Variants in UNC5D observed in about 807,000 individuals in gnomAD.
UNC5D encodes unc-5 netrin receptor D, also known as netrin receptor UNC5D.
A neutral mutation model predicts 105.4 loss-of-function variants in UNC5D; 39 were observed. That is an observed-to-expected ratio of 0.37 (90% CI 0.29 to 0.48). The LOEUF is 0.48. UNC5D is among the 20% of genes least tolerant of loss of function. The pLI is 0.98. For synonymous variants in UNC5D, 452 were observed against 450.4 expected, an observed-to-expected ratio of 1.00 and a Z score of -0.04; for missense variants, 991 against 1,202.4, an observed-to-expected ratio of 0.82 and a Z score of 2.60.
intron 10 of UNC5D, chr8:35,726,756 C>G: frequency 1.6e-6 from 1 of 629,588 alleles, no homozygotes; most frequent in Non-Finnish European, 2.7e-6. Flanking sequence ...CTTTGATTCC[C>G]TGTTAGAGCT....
At chr8:35,456,224 G>A (rs943669952) in intron 1 of UNC5D, among the ~76,000 whole-genome samples, 1 of 152,026 alleles carries the variant, frequency 6.6e-6, no homozygotes, top group Non-Finnish European at 1.5e-5. Context: ...TTCCAATCCG[G>A]ATTACTAAAC....
At chr8:35,788,475 T>C (rs1802853383) in intron 16 of UNC5D, among the ~76,000 whole-genome samples, 1 of 152,176 alleles carries the variant, frequency 6.6e-6, no homozygotes, top group East Asian at 1.9e-4. Context: ...TGTCTTTGTC[T>C]TCGTCATAGA....
At chr8:35,586,156 C>A (rs1818779607) in intron 3 of UNC5D, among the ~76,000 whole-genome samples, 1 of 152,122 alleles carries the variant, frequency 6.6e-6, no homozygotes, top group African/African-American at 2.4e-5. Context: ...TGCCTGTAAT[C>A]CCAGCTACTC....
intron 10 of UNC5D, among the ~76,000 whole-genome samples, chr8:35,728,232 C>T (rs1298493908): frequency 1.3e-5 from 2 of 151,766 alleles, no homozygotes; most frequent in Non-Finnish European, 2.9e-5. Flanking sequence ...GATAAACTGC[C>T]CATTACTCCT....
chr8:35,758,875 C>A (rs539699339), intron 13 of UNC5D, among the ~76,000 whole-genome samples: 1 of 152,230 alleles, frequency 6.6e-6, no homozygotes, highest in South Asian at 2.1e-4. Flanking sequence ...ATAGTGCCTG[C>A]ATTAGTGAAG....
At chr8:35,574,097 AT>A (rs1305081264) in intron 3 of UNC5D, among the ~76,000 whole-genome samples, 17 of 152,172 alleles carry the variant, frequency 1.1e-4, no homozygotes, top group African/African-American at 4.1e-4. Flanking sequence ...GGAATATTCA[AT>A]TATTTGTAGT....
chr8:35,354,355 G>C (rs1801434044), intron 1 of UNC5D, among the ~76,000 whole-genome samples: 1 of 152,022 alleles, frequency 6.6e-6, no homozygotes, highest in Non-Finnish European at 1.5e-5. Context: ...CCTCAGGGGA[G>C]AATTTTTATG....
chr8:35,736,527 A>G, intron 11 of UNC5D, among the ~76,000 whole-genome samples: 1 of 152,246 alleles, frequency 6.6e-6, no homozygotes, highest in East Asian at 1.9e-4. Context: ...AATTACTAGG[A>G]AAACCAAAAC....
chr8:35,325,792 T>G (rs1428685890), intron 1 of UNC5D, among the ~76,000 whole-genome samples: 1 of 152,164 alleles, frequency 6.6e-6, no homozygotes, highest in East Asian at 1.9e-4. Context: ...TGGAAAAGGA[T>G]GGAACATTTA....
At position 35,686,661 on chromosome 8, in the gene UNC5D, G is replaced by A. The variant is rs1826030064; in HGVS notation, c.1036G>A (p.Gly346Ser). 1 of 1,604,304 alleles carries A rather than the reference G, an allele frequency of 6.2e-7. No homozygotes were observed. Among genetic ancestry groups the A allele is most frequent in the South Asian group, 1.1e-5 (1 of 89,434 alleles). ...GAGAAATGGGGGCAAATTCTGTGAA[G>A]GTCTAAGCCAGGAATCTGAAAACTG... ...PPRNGGKFCE[G>S]LSQESENCTD... is the part of the protein sequence containing the mutation. Residue 346 changes from glycine to serine, a missense_variant, in exon 7 of 17, where the codon GGT (glycine) becomes AGT (serine). Transcript: ENST00000404895.
intron 1 of UNC5D, among the ~76,000 whole-genome samples, chr8:35,384,226 A>AC (rs1311468552): frequency 5.9e-5 from 9 of 151,838 alleles, no homozygotes; most frequent in African/African-American, 2.2e-4. Context: ...TTCAAAAAAA[A>AC]AAAACAAAAA....
chr8:35,267,855 T>C (rs1804995632), intron 1 of UNC5D, among the ~76,000 whole-genome samples: 1 of 152,190 alleles, frequency 6.6e-6, no homozygotes, highest in African/African-American at 2.4e-5. Context: ...GGAAAATTGT[T>C]CCAGGTTTGC....
At chr8:35,780,895 T>C (rs1279934174) in intron 16 of UNC5D, among the ~76,000 whole-genome samples, 2 of 152,228 alleles carry the variant, frequency 1.3e-5, no homozygotes, top group South Asian at 4.1e-4. Flanking sequence ...TTTGAGAAAG[T>C]AAAATCCTAG....
chr8:35,445,735 C>T (rs150999232), intron 1 of UNC5D, among the ~76,000 whole-genome samples: 134 of 152,084 alleles, frequency 8.8e-4, no homozygotes, highest in African/African-American at 2.3e-3. Flanking sequence ...AGAAACTCTT[C>T]GGGAGGAACC....
chr8:35,609,007 A>C (rs927110580), intron 4 of UNC5D, among the ~76,000 whole-genome samples: 6 of 152,146 alleles, frequency 3.9e-5, no homozygotes, highest in African/African-American at 1.4e-4. Context: ...AGGTTGTACT[A>C]ATATACATTC....
chr8:35,774,876 A>G (rs1802170350), intron 16 of UNC5D, among the ~76,000 whole-genome samples: 1 of 149,508 alleles, frequency 6.7e-6, no homozygotes, highest in Admixed American at 6.7e-5. Context: ...GCAGTGAGCC[A>G]AGATTGCACC....
At position 35,282,537 on chromosome 8, in the gene UNC5D, G is replaced by A. The variant is rs187887030; in HGVS notation, c.103+46650G>A. Among the ~76,000 whole-genome samples, 7 of 152,052 alleles carry A rather than the reference G, an allele frequency of 4.6e-5. No individual in the cohort carries two copies. In the South Asian group the frequency reaches 6.2e-4, roughly 14 times the overall value. ...GGTAGGATTTTTATATTTTTGTCCC[G>A]CATATATGACTTTGCCTAAACAACT... On this transcript the variant is annotated intron_variant, in intron 1 of 16. Transcript: ENST00000404895.
Position 35,527,811 on chromosome 8 carries a change from C to T in UNC5D, c.104-21481C>T, listed in dbSNP as rs368096535. 3.9e-5 allele frequency among the ~76,000 whole-genome samples: 6 copies of T among 152,174 alleles called. No homozygotes were observed. In the East Asian group the frequency reaches 7.8e-4, roughly 20 times the overall value. On this transcript the variant is annotated intron_variant, in intron 1 of 16. Coordinates refer to ENST00000404895, the MANE Select transcript of UNC5D (RefSeq NM_080872.4). ...GCCCTCAATGTACTGGGATTACAGG[C>T]GTGAGCCACCACTCTTGGCCTCTCC...
chr8:35,258,118 T>C (rs562918613), intron 1 of UNC5D, among the ~76,000 whole-genome samples: 25 of 152,294 alleles, frequency 1.6e-4, no homozygotes, highest in African/African-American at 4.3e-4. Flanking sequence ...GGAGGGCTGC[T>C]CTCTGCTTCC....
Sources: gnomAD v4.1 joint callset for allele counts (sites outside exome capture counted in the v4.1 genomes callset) on GRCh38, gnomAD v4.1.1 for gene constraint, MANE v1.5 for transcripts, NCBI Gene and HGNC (gene_info 2026-07-23, HGNC 2026-07-21) for gene names.